EYS: variants seen among roughly 807,000 people sequenced by gnomAD.
EYS encodes EGF-like photoreceptor maintenance factor.
Under a neutral mutation model 282.1 loss-of-function variants are expected in EYS, and 250 were observed. The observed-to-expected ratio is 0.89, with a 90% confidence interval of 0.80 to 0.98. The LOEUF is 0.98. Among genes scored for constraint, EYS ranks in the 50% least tolerant of loss-of-function variants. The pLI is 0.00. For synonymous variants in EYS, 1,355 were observed against 1,282.9 expected (o/e 1.06, Z -1.20); for missense variants, 4,016 against 3,709.0 (o/e 1.08, Z -2.15).
chr6:64,283,921 T>A (rs1768400178), intron 30 of EYS, among the ~76,000 whole-genome samples: 1 of 152,074 alleles, frequency 6.6e-6, no homozygotes, highest in Admixed American at 6.6e-5. Flanking sequence ...CGATTCAAAT[T>A]ATCCCCACCA....
At chr6:64,560,619 G>A (rs1765365209) in intron 26 of EYS, among the ~76,000 whole-genome samples, 1 of 152,098 alleles carries the variant, frequency 6.6e-6, no homozygotes, top group East Asian at 1.9e-4. Context: ...TCAGCGCTCT[G>A]AAATACATAG....
At chr6:64,931,966 G>A (rs1281458025) in intron 15 of EYS, among the ~76,000 whole-genome samples, 1 of 152,064 alleles carries the variant, frequency 6.6e-6, no homozygotes, top group African/African-American at 2.4e-5. Flanking sequence ...TAATAGCAGA[G>A]GAAGAACTAG....
intron 31 of EYS, among the ~76,000 whole-genome samples, chr6:64,142,759 A>G (rs1237765094): frequency 6.6e-6 from 1 of 152,154 alleles, no homozygotes; most frequent in Admixed American, 6.6e-5. Context: ...GCAGGAAATG[A>G]TGAGAGCCTA....
chr6:64,453,689 G>A (rs191806809), intron 26 of EYS, among the ~76,000 whole-genome samples: 492 of 152,232 alleles, frequency 3.2e-3, no homozygotes, highest in African/African-American at 0.01. Flanking sequence ...AAAAAATGAT[G>A]AGCTCATGTC....
intron 12 of EYS, among the ~76,000 whole-genome samples, chr6:65,273,736 A>G (rs1056568698): frequency 6.6e-6 from 1 of 152,206 alleles, no homozygotes; most frequent in Non-Finnish European, 1.5e-5. Context: ...GTTACGTGAC[A>G]TATCACCGTA....
chr6:65,205,377 A>G (rs1428585051), intron 12 of EYS, among the ~76,000 whole-genome samples: 1 of 151,774 alleles, frequency 6.6e-6, no homozygotes, highest in Non-Finnish European at 1.5e-5. Context: ...ATATACATGC[A>G]TCCAATACCA....
At chr6:63,796,607 T>C (rs1770651049) in intron 37 of EYS, among the ~76,000 whole-genome samples, 1 of 152,218 alleles carries the variant, frequency 6.6e-6, no homozygotes, top group Non-Finnish European at 1.5e-5. Flanking sequence ...GGTAAAATAG[T>C]ATCATTTATT....
intron 12 of EYS, among the ~76,000 whole-genome samples, chr6:65,198,647 T>C (rs1327905995): frequency 6.6e-6 from 1 of 152,112 alleles, no homozygotes; most frequent in Non-Finnish European, 1.5e-5. Context: ...GAGAAGCCCC[T>C]GGAAACTTTA....
chr6:64,450,231 T>G (rs1456570824), intron 26 of EYS, among the ~76,000 whole-genome samples: 5 of 152,078 alleles, frequency 3.3e-5, no homozygotes, highest in Middle Eastern at 3.4e-3. Flanking sequence ...AAACAGACTT[T>G]AAACCAACAA....
intron 26 of EYS, among the ~76,000 whole-genome samples, chr6:64,497,330 T>C (rs1010494245): frequency 6.6e-6 from 1 of 152,174 alleles, no homozygotes; most frequent in African/African-American, 2.4e-5. Flanking sequence ...CATTCTGCAT[T>C]CAAAATACAT....
At chr6:63,829,765 T>G (rs2149690345) in intron 36 of EYS, among the ~76,000 whole-genome samples, 1 of 152,286 alleles carries the variant, frequency 6.6e-6, no homozygotes, top group African/African-American at 2.4e-5. Flanking sequence ...GACTGCCTCC[T>G]CAAGTGGGTC....
chr6:65,299,891 C>G (rs1434483167), intron 11 of EYS, among the ~76,000 whole-genome samples: 2 of 152,144 alleles, frequency 1.3e-5, no homozygotes, highest in Non-Finnish European at 2.9e-5. Flanking sequence ...CACACACACA[C>G]AGACACACAG....
intron 12 of EYS, among the ~76,000 whole-genome samples, chr6:65,075,887 C>A (rs1774035707): frequency 1.3e-5 from 2 of 151,854 alleles, no homozygotes; most frequent in Admixed American, 1.3e-4. Flanking sequence ...TGGCAGGCAA[C>A]TACAGTAAAA....
chr6:63,810,462 T>G (rs1441829027), intron 36 of EYS, among the ~76,000 whole-genome samples: 1 of 152,128 alleles, frequency 6.6e-6, no homozygotes, highest in African/African-American at 2.4e-5. Flanking sequence ...TCTGCAGTGA[T>G]GCATCCTGAA....
At chr6:64,487,477 A>C (rs1351238750) in intron 26 of EYS, among the ~76,000 whole-genome samples, 3 of 151,062 alleles carry the variant, frequency 2.0e-5, no homozygotes, top group Non-Finnish European at 4.5e-5. Flanking sequence ...AATAAGCATA[A>C]TTGGGAATTA....
At chr6:64,351,713 G>A (rs1034393819) in intron 29 of EYS, among the ~76,000 whole-genome samples, 4 of 151,492 alleles carry the variant, frequency 2.6e-5, no homozygotes, top group African/African-American at 9.7e-5. Context: ...TTCATCAGGT[G>A]ATTGAGGATT....
chr6:64,473,030 T>G (rs1205300396), intron 26 of EYS, among the ~76,000 whole-genome samples: 1 of 152,142 alleles, frequency 6.6e-6, no homozygotes, highest in East Asian at 1.9e-4. Context: ...TTTATTTTGA[T>G]GAAAAAATAT....
chr6:65,647,935 TAAC>T (rs1245485842), intron 1 of EYS, among the ~76,000 whole-genome samples: 1 of 152,142 alleles, frequency 6.6e-6, no homozygotes, highest in Non-Finnish European at 1.5e-5. Flanking sequence ...GAACAATGCG[TAAC>T]ATCACTAATT....
At chr6:65,547,536 C>T (rs1245511808) in intron 2 of EYS, among the ~76,000 whole-genome samples, 1 of 151,802 alleles carries the variant, frequency 6.6e-6, no homozygotes, top group Non-Finnish European at 1.5e-5. Flanking sequence ...TGTTTGCATG[C>T]CTACTTTTAA....
Sources: allele counts gnomAD v4.1 joint callset (sites outside exome capture counted in the v4.1 genomes callset), GRCh38; gene constraint gnomAD v4.1.1; transcripts MANE v1.5; gene names NCBI Gene and HGNC (gene_info 2026-07-23, HGNC 2026-07-21).